USP7: variants seen among roughly 807,000 people sequenced by gnomAD.
USP7 encodes the protein ubiquitin specific peptidase 7.
In USP7, 9 loss-of-function variants were observed where a neutral mutation model predicts 162.9. That is an observed-to-expected ratio of 0.06 (90% CI 0.03 to 0.10). The LOEUF is 0.10. USP7 is among the 10% of genes least tolerant of loss of function. USP7 has a pLI of 1.00. For missense variants in USP7, 715 were observed against 1,373.7 expected (o/e 0.52, Z 7.58); for synonymous variants, 562 against 475.9 (o/e 1.18, Z -2.35).
In USP7 at chr16:8,898,422, T is replaced by A; in HGVS notation, c.2656A>T (p.Thr886Ser). The A allele has an allele frequency of 2.5e-6, 4 of 1,613,300 alleles. No individual in the cohort carries two copies. The highest frequency in any genetic ancestry group is 3.4e-6 in the Non-Finnish European group (4 of 1,179,874). ...AAACTTCGCCTGTTCTCAAAGTCTG[T>A]GATTTTCATCTTAAGCTATTAAGAA... ...LYYQQLKMKI[T>S]DFENRRSFKC... The change falls in exon 25 of 31, where the codon ACA becomes TCA. Residue 886 changes from threonine (T) to serine (S), a missense_variant. This residue lies in a region of USP7 where 222 missense variants were observed against 441.7 expected (regional missense o/e 0.50). Coordinates refer to ENST00000344836, the MANE Select transcript of USP7 (RefSeq NM_003470.3).
intron 4 of USP7, 28 bp from the exon 5 acceptor site, chr16:8,920,475 C>G (rs760449017): frequency 4.3e-5 from 68 of 1,582,150 alleles, no homozygotes; most frequent in Non-Finnish European, 3.5e-6. Context: ...GAATATCCAG[C>G]TTGAATAAGA....
At position 8,901,828 on chromosome 16, in the gene USP7, G is replaced by C. The variant is rs925455389; in HGVS notation, c.2047+254C>G. 1.8e-5 allele frequency: 9 copies of C among 511,880 alleles called. No homozygotes were observed. In the Admixed American group the frequency reaches 3.3e-4, roughly 18 times the overall value. 31.7% of individuals were successfully genotyped at this position (511,880 alleles called of 1,614,324 possible). ...CTTTAGGATCTGACCAACGTGATTA[G>C]CACAGCACAGCAGCTGAGACTGAAG... On this transcript the variant is annotated intron_variant, in intron 18 of 30. Transcript: ENST00000344836.
At chr16:8,901,485 C>T (rs1054956858) in intron 18 of USP7, among the ~76,000 whole-genome samples, 2 of 152,176 alleles carry the variant, frequency 1.3e-5, no homozygotes, top group African/African-American at 4.8e-5. Flanking sequence ...ACAGTCAAGA[C>T]GGTACTGAGT....
intron 3 of USP7, among the ~76,000 whole-genome samples, chr16:8,922,582 A>G (rs1897756888): frequency 6.6e-6 from 1 of 152,208 alleles, no homozygotes; most frequent in Admixed American, 6.5e-5. Flanking sequence ...GTGGCGTGGC[A>G]GGGAGACTAG....
intron 10 of USP7, among the ~76,000 whole-genome samples, chr16:8,914,191 C>T (rs1340105416): frequency 6.6e-6 from 1 of 152,018 alleles, no homozygotes. Context: ...AAGGTAAGAA[C>T]AACCTCACTG....
At chr16:8,922,536 G>A (rs1422366815) in intron 3 of USP7, among the ~76,000 whole-genome samples, 1 of 152,138 alleles carries the variant, frequency 6.6e-6, no homozygotes, top group Non-Finnish European at 1.5e-5. Context: ...GTTCACTCTG[G>A]GGAACATGTT....
chr16:8,944,094 T>C (rs1002724610), intron 1 of USP7, among the ~76,000 whole-genome samples: 4 of 152,176 alleles, frequency 2.6e-5, no homozygotes, highest in Non-Finnish European at 2.9e-5. Context: ...ATATCCATAA[T>C]ACATCAAGTA....
At chr16:8,904,108 G>A (rs1223045879) in intron 15 of USP7, among the ~76,000 whole-genome samples, 1 of 152,148 alleles carries the variant, frequency 6.6e-6, no homozygotes, top group African/African-American at 2.4e-5. Flanking sequence ...GCCACCAACA[G>A]GGCCAGGTGT....
rs552143568 is a variant in USP7 at position 8,952,654 on chromosome 16, G to C, written c.79+10553C>G. On this transcript the variant is annotated intron_variant, in intron 1 of 30. Transcript: ENST00000344836. ...TCACTAGGGATCCTGAATTCAATAA[G>C]GTCTGCAAAATCCCTTTGCCATGTA... 9.2e-5 allele frequency among the ~76,000 whole-genome samples: 14 copies of C among 152,252 alleles called. No homozygotes were observed. The East Asian group carries it at 2.5e-3, about 27-fold the overall frequency.
chr16:8,894,643 A>G lies in USP7; in HGVS notation c.3112-3T>C. On this transcript the variant is annotated splice_region_variant and splice_polypyrimidine_tract_variant and intron_variant, in intron 29 of 30. Transcript: ENST00000344836. ...ATCATTACAATTGCAAATTTAAACT[A>G]AAAGAAAAAAAATTAAAACTCCTCC... The G allele has an allele frequency of 1.9e-6, 3 of 1,612,834 alleles. No homozygotes were observed. The highest frequency in any genetic ancestry group is 1.3e-5 in the African/African-American group (1 of 74,880).
intron 1 of USP7, among the ~76,000 whole-genome samples, chr16:8,933,279 C>A (rs562481338): frequency 6.6e-6 from 1 of 152,236 alleles, no homozygotes; most frequent in South Asian, 2.1e-4. Flanking sequence ...CACAGTGGCT[C>A]ATGCCTATAT....
At chr16:8,911,692 G>C (rs1442397448) in intron 10 of USP7, among the ~76,000 whole-genome samples, 2 of 152,142 alleles carry the variant, frequency 1.3e-5, no homozygotes, top group African/African-American at 4.8e-5. Context: ...AGAATGAGAG[G>C]AGCTCAAGGG....
At chr16:8,909,845 G>C (rs772979828) in intron 11 of USP7, among the ~76,000 whole-genome samples, 8 of 152,088 alleles carry the variant, frequency 5.3e-5, no homozygotes, top group Non-Finnish European at 8.8e-5. Flanking sequence ...AGAATCACTT[G>C]AACCCAGGAG....
At chr16:8,904,092 C>G (rs529535926) in intron 15 of USP7, among the ~76,000 whole-genome samples, 5 of 152,302 alleles carry the variant, frequency 3.3e-5, no homozygotes, top group East Asian at 1.9e-4. Context: ...TGAACTGGCT[C>G]TGCCCGCCAC....
chr16:8,941,922 A>C (rs1010308292), intron 1 of USP7, among the ~76,000 whole-genome samples: 3 of 152,228 alleles, frequency 2.0e-5, no homozygotes, highest in Middle Eastern at 3.2e-3. Flanking sequence ...TGATCATTGC[A>C]ATAGAGGGCA....
rs2061641746 is a variant in USP7 at position 8,893,865 on chromosome 16, A to T, written c.*133T>A. 2.6e-6 allele frequency: 2 copies of T among 765,938 alleles called. No homozygotes were observed. Among genetic ancestry groups the T allele is most frequent in the African/African-American group, 3.5e-5 (2 of 57,872 alleles). The allele number at this position is 765,938 out of a possible 1,614,324, so 47.4% of individuals were successfully genotyped here. A position where few individuals can be genotyped will look rare whatever the true frequency, so the allele number is the denominator to read the frequency against. Reference sequence around the variant, plus strand: ...CAGAGAAGCCAAACTGAACAGCCTCAATAAAATAAAATTAACACCAGCAGC... The same window carrying T: ...CAGAGAAGCCAAACTGAACAGCCTCTATAAAATAAAATTAACACCAGCAGC... On this transcript the variant is annotated 3_prime_UTR_variant, in exon 31 of 31. Coordinates refer to ENST00000344836, the MANE Select transcript of USP7 (RefSeq NM_003470.3).
chr16:8,903,808 G>T (rs1375412860), intron 15 of USP7, among the ~76,000 whole-genome samples: 1 of 151,206 alleles, frequency 6.6e-6, no homozygotes, highest in Non-Finnish European at 1.5e-5. Context: ...CAGAGGTTGA[G>T]GTGAGCAGAG....
chr16:8,902,496 TAAGAG>T lies in USP7; in HGVS notation c.1840-19_1840-15del, dbSNP rs757720350. The T allele has an allele frequency of 6.2e-7, 1 of 1,608,334 alleles. No individual in the cohort carries two copies. The highest frequency in any genetic ancestry group is 8.5e-7 in the Non-Finnish European group (1 of 1,175,958). On this transcript the variant is annotated splice_polypyrimidine_tract_variant and intron_variant, in intron 16 of 30. Transcript: ENST00000344836. ...TTGTGGAAATCCCTGAAAAAAATATTAAGAGTAGATTAAAATAAAAACACGCTCAT... is the reference window on the plus strand; with the variant it reads ...TTGTGGAAATCCCTGAAAAAAATATTTAGATTAAAATAAAAACACGCTCAT...
intron 10 of USP7, among the ~76,000 whole-genome samples, chr16:8,912,187 C>G (rs1040082409): frequency 6.6e-6 from 1 of 152,198 alleles, no homozygotes; most frequent in Non-Finnish European, 1.5e-5. Flanking sequence ...CTCAGTGGCT[C>G]ACGCCTGTAA....
Sources: gnomAD v4.1 joint callset for allele counts (sites outside exome capture counted in the v4.1 genomes callset) on GRCh38, gnomAD v4.1.1 for gene constraint, gnomAD v4.1.1 regional missense constraint, MANE v1.5 for transcripts, NCBI Gene and HGNC (gene_info 2026-07-23, HGNC 2026-07-21) for gene names.